The following PRKCH variants were observed in gnomAD, a reference collection of about 807,000 sequenced individuals.
PRKCH encodes protein kinase C eta type.
In PRKCH, 28 loss-of-function variants were observed where a neutral mutation model predicts 82.5. The ratio of observed to expected loss-of-function variants is 0.34; its 90% confidence interval spans 0.25 to 0.47. The LOEUF is 0.47. Among genes scored for constraint, PRKCH ranks in the 20% least tolerant of loss-of-function variants. The probability of loss-of-function intolerance (pLI) is 1.00; values close to 1 mark genes in which losing one functional copy is unlikely to be tolerated. For missense variants in PRKCH, 705 were observed against 881.8 expected, an observed-to-expected ratio of 0.80 and a Z score of 2.54; for synonymous variants, 322 against 327.4, an observed-to-expected ratio of 0.98 and a Z score of 0.18.
intron 12 of PRKCH, among the ~76,000 whole-genome samples, chr14:61,541,091 C>A (rs1195401198): frequency 1.3e-5 from 2 of 152,260 alleles, no homozygotes; most frequent in East Asian, 3.8e-4. Flanking sequence ...TGGTGTCTCT[C>A]CCATACTGTG....
At chr14:61,449,618 G>A (rs1293207272) in intron 5 of PRKCH, among the ~76,000 whole-genome samples, 1 of 152,152 alleles carries the variant, frequency 6.6e-6, no homozygotes, top group Admixed American at 6.5e-5. Context: ...GCATCTGACA[G>A]CCTGGATTTG....
At chr14:61,436,250 A>G (rs1883673528) in intron 2 of PRKCH, among the ~76,000 whole-genome samples, 1 of 152,164 alleles carries the variant, frequency 6.6e-6, no homozygotes, top group Non-Finnish European at 1.5e-5. Context: ...GAGTCAGTCT[A>G]GTAACAAATT....
chr14:61,224,195 C>T (rs903324541), intron 1 of PRKCH, among the ~76,000 whole-genome samples: 8 of 151,918 alleles, frequency 5.3e-5, no homozygotes, highest in African/African-American at 1.9e-4. Context: ...TTTACTTTTC[C>T]ACCTGTTTTT....
In PRKCH at chr14:61,480,688, A is replaced by G. The variant is rs916719518; in HGVS notation, c.1279-4814A>G. Among the ~76,000 whole-genome samples, 5 of 152,196 alleles carry G rather than the reference A, an allele frequency of 3.3e-5. No homozygotes were observed. In the East Asian group the frequency reaches 9.6e-4, roughly 29 times the overall value. ...TAGTAGAGACTGGTAGTGAGTGATCATGTTTATTAATGGCAGCAGAGACCC... is the reference window on the plus strand; with the variant it reads ...TAGTAGAGACTGGTAGTGAGTGATCGTGTTTATTAATGGCAGCAGAGACCC... On this transcript the variant is annotated intron_variant, in intron 9 of 13. Transcript: ENST00000332981.
chr14:61,210,154 ATATAT>A (rs2044562261), intron 1 of PRKCH, among the ~76,000 whole-genome samples: 1 of 97,442 alleles, frequency 1.0e-5, no homozygotes, highest in African/African-American at 4.1e-5. Context: ...ATATATATAT[ATATAT>A]ATAAATTAGC....
intron 1 of PRKCH, among the ~76,000 whole-genome samples, chr14:61,195,667 T>C (rs865806231): frequency 6.6e-6 from 1 of 152,108 alleles, no homozygotes; most frequent in Non-Finnish European, 1.5e-5. Flanking sequence ...TGGACTGAAT[T>C]TTAAAGGAGT....
At chr14:61,197,440 C>T (rs1158928726) in intron 1 of PRKCH, among the ~76,000 whole-genome samples, 1 of 152,116 alleles carries the variant, frequency 6.6e-6, no homozygotes, top group African/African-American at 2.4e-5. Flanking sequence ...GTTGAGGAGC[C>T]ATGTCTGGTG....
At chr14:61,371,458 T>C (rs1028493586) in intron 1 of PRKCH, among the ~76,000 whole-genome samples, 6 of 152,064 alleles carry the variant, frequency 3.9e-5, no homozygotes, top group Non-Finnish European at 7.3e-5. Context: ...TCTCAGACTT[T>C]CCTTGGTTTT....
In PRKCH at chr14:61,393,189, T is replaced by C. The variant is rs1255116879; in HGVS notation, c.427+1901T>C. 2.0e-5 allele frequency among the ~76,000 whole-genome samples: 3 copies of C among 152,350 alleles called. No individual in the cohort carries two copies. The East Asian group carries it at 5.8e-4, about 29-fold the overall frequency. On this transcript the variant is annotated intron_variant, in intron 2 of 13. Transcript: ENST00000332981. Reference sequence around the variant, plus strand: ...CTTTATAGTGAGTCTTATGGTTACATAGTATGAGCCCTCCAACTCCGTTCT... The same window carrying C: ...CTTTATAGTGAGTCTTATGGTTACACAGTATGAGCCCTCCAACTCCGTTCT...
intron 9 of PRKCH, among the ~76,000 whole-genome samples, chr14:61,464,277 A>G (rs1885156429): frequency 6.6e-6 from 1 of 151,978 alleles, no homozygotes; most frequent in Non-Finnish European, 1.5e-5. Flanking sequence ...GTATGACATA[A>G]TATCTCATTG....
chr14:61,288,676 T>A (rs530533147), intron 1 of PRKCH, among the ~76,000 whole-genome samples: 1 of 152,174 alleles, frequency 6.6e-6, no homozygotes, highest in Non-Finnish European at 1.5e-5. Context: ...AAGCCAAAGT[T>A]TGGGAATCTT....
chr14:61,465,920 T>C (rs897171602), intron 9 of PRKCH, among the ~76,000 whole-genome samples: 1 of 152,218 alleles, frequency 6.6e-6, no homozygotes, highest in Non-Finnish European at 1.5e-5. Context: ...GCAATTATTA[T>C]CCTCATTATG....
chr14:61,534,153 G>A (rs1342327021), intron 12 of PRKCH, among the ~76,000 whole-genome samples: 1 of 152,154 alleles, frequency 6.6e-6, no homozygotes, highest in Non-Finnish European at 1.5e-5. Flanking sequence ...ATGGTATGGT[G>A]GGAGGTTCTT....
At chr14:61,208,345 CA>C (rs906560078) in intron 1 of PRKCH, among the ~76,000 whole-genome samples, 2 of 151,414 alleles carry the variant, frequency 1.3e-5, no homozygotes, top group African/African-American at 2.4e-5. Flanking sequence ...CTATAAGGGA[CA>C]AAAAAAATTA....
intron 1 of PRKCH, among the ~76,000 whole-genome samples, chr14:61,271,533 T>C (rs938621278): frequency 2.0e-5 from 3 of 152,242 alleles, no homozygotes; most frequent in South Asian, 2.1e-4. Flanking sequence ...GGATGAGAAG[T>C]TGACTCCTTT....
At chr14:61,549,638 C>T (rs760401982) in intron 13 of PRKCH, 47 bp from the exon 14 acceptor site, 2 of 1,599,710 alleles carry the variant, frequency 1.3e-6, no homozygotes, top group Non-Finnish European at 1.7e-6. Context: ...GATGAGTAAG[C>T]CTCAAGCGCA....
At chr14:61,384,956 G>C (rs755167701) in intron 1 of PRKCH, among the ~76,000 whole-genome samples, 16 of 152,026 alleles carry the variant, frequency 1.1e-4, no homozygotes, top group Non-Finnish European at 1.8e-4. Flanking sequence ...ATGTCCCGTT[G>C]TTCTAGCACC....
intron 2 of PRKCH, 44 bp from the exon 3 acceptor site, chr14:61,443,067 G>T (rs370998455): frequency 1.3e-6 from 2 of 1,575,800 alleles, no homozygotes; most frequent in Non-Finnish European, 8.7e-7. Context: ...GGTGCGTTAG[G>T]TTCCTTACAT....
chr14:61,238,241 T>C lies in PRKCH; in HGVS notation c.-19+50573T>C, dbSNP rs921591791. 7.9e-5 allele frequency among the ~76,000 whole-genome samples: 12 copies of C among 152,324 alleles called. No individual in the cohort carries two copies. In the East Asian group the frequency reaches 1.9e-3, roughly 24 times the overall value. The stretch of plus-strand genomic sequence containing the variant: ...TTGAAATCACAGTACATTGGGTTCC[T>C]GTGTCAAGGAGCCCTGGAAATTCTC... On this transcript the variant is annotated intron_variant, in intron 1 of 3. Transcript: ENST00000555185.
Sources: allele counts gnomAD v4.1 joint callset (sites outside exome capture counted in the v4.1 genomes callset), GRCh38; gene constraint gnomAD v4.1.1; transcripts MANE v1.5; gene names NCBI Gene and HGNC (gene_info 2026-07-23, HGNC 2026-07-21).